The following PNLIPRP3 variants were observed in gnomAD, a reference collection of about 807,000 sequenced individuals.
PNLIPRP3 encodes the protein pancreatic lipase related protein 3.
PNLIPRP3 carries 58 observed loss-of-function variants against 52.8 expected under a neutral mutation model. That is an observed-to-expected ratio of 1.10 (90% CI 0.89 to 1.37). The LOEUF (loss-of-function observed/expected upper bound fraction) is 1.37, where lower values mean the gene tolerates loss of function less well. Among genes scored for constraint, PNLIPRP3 ranks in the 40% most tolerant of loss-of-function variants. The probability of loss-of-function intolerance (pLI) is 0.00; values close to 1 mark genes in which losing one functional copy is unlikely to be tolerated. For synonymous variants in PNLIPRP3, 192 were observed against 185.0 expected (o/e 1.04, Z -0.31); for missense variants, 593 against 561.6 (o/e 1.06, Z -0.57).
intron 10 of PNLIPRP3, among the ~76,000 whole-genome samples, chr10:116,475,171 A>G (rs780227019): frequency 1.6e-4 from 24 of 152,220 alleles, no homozygotes; most frequent in Non-Finnish European, 2.6e-4. Context: ...TCCTTAGCAA[A>G]CTAATGCAGG....
chr10:116,434,907 A>T (rs1292878609), intron 1 of PNLIPRP3, among the ~76,000 whole-genome samples: 2 of 152,220 alleles, frequency 1.3e-5, no homozygotes, highest in African/African-American at 4.8e-5. Flanking sequence ...TCATTCTTCC[A>T]GGAAGAGAAA....
chr10:116,471,813 C>T lies in PNLIPRP3; in HGVS notation c.1106C>T (p.Thr369Ile), dbSNP rs866988178. Residue 369 changes from threonine (T) to isoleucine (I), a missense_variant, in exon 10 of 12, where the codon ACT becomes ATT. Thr to Ile is a moderately conservative substitution (Grantham distance 89). Transcript: ENST00000369230. ...LSVKLSGSEV[T>I]QGTVFLRVGG... The stretch of plus-strand genomic sequence containing the variant: ...GTTAAACTCAGTGGAAGCGAAGTCA[C>T]TCAAGGAACTGTCTTTCTTCGTGTA... The T allele has an allele frequency of 1.2e-6, 2 of 1,611,710 alleles. No homozygotes were observed. Among genetic ancestry groups the T allele is most frequent in the African/African-American group, 1.3e-5 (1 of 74,712 alleles).
chr10:116,439,418 T>C (rs1349396604), intron 2 of PNLIPRP3: 3 of 586,274 alleles, frequency 5.1e-6, no homozygotes, highest in East Asian at 3.1e-5. Context: ...AGAGCTCCCC[T>C]ACTCTAAGTA....
chr10:116,438,273 C>T (rs1274438413), intron 2 of PNLIPRP3, among the ~76,000 whole-genome samples: 1 of 152,074 alleles, frequency 6.6e-6, no homozygotes, highest in Non-Finnish European at 1.5e-5. Context: ...GAAACGAGGG[C>T]AGGACTAGGA....
At position 116,477,099 on chromosome 10, in the gene PNLIPRP3, C is replaced by T. The variant is rs752052277; in HGVS notation, c.1350C>T (p.Phe450=). 5.0e-6 allele frequency: 8 copies of T among 1,592,446 alleles called. No homozygotes were observed. The East Asian group carries it at 1.8e-4, about 36-fold the overall frequency. Reference sequence around the variant, plus strand: ...CCTTAAAAACTTTCAGATCTACCTTCTGTAGCCAAGACATTATGGGACCTA... The same window carrying T: ...CCTTAAAAACTTTCAGATCTACCTTTTGTAGCCAAGACATTATGGGACCTA... ...TSGKYGYKST[F]CSQDIMGPNI... is the part of the protein sequence containing the mutation. The change falls in exon 12 of 12, where the codon TTC becomes TTT. Residue 450 remains phenylalanine (F), a synonymous_variant. Coordinates refer to ENST00000369230, the MANE Select transcript of PNLIPRP3 (RefSeq NM_001011709.3).
chr10:116,432,133 A>C (rs1845716771), intron 1 of PNLIPRP3, among the ~76,000 whole-genome samples: 1 of 152,204 alleles, frequency 6.6e-6, no homozygotes, highest in South Asian at 2.1e-4. Context: ...GAGGGCTAGA[A>C]TTGTTTTCTC....
Position 116,455,797 on chromosome 10 carries a change from GGGTCAAGGATACCA to G in PNLIPRP3, c.535_548del (p.Ser179ProfsTer32), listed in dbSNP as rs758005224. The G allele has an allele frequency of 6.8e-6, 11 of 1,613,564 alleles. No individual in the cohort carries two copies. The Admixed American group carries it at 1.7e-4, about 24-fold the overall frequency. ...GGGAGCACACCTGGCTGGGGAAGCT[GGGTCAAGGATACCA>G]GGCCTTGGAAGAATAACTGGTAAGC... On this transcript the variant is annotated frameshift_variant, in exon 5 of 12. Coordinates refer to ENST00000369230, the MANE Select transcript of PNLIPRP3 (RefSeq NM_001011709.3). LOFTEE classifies it high-confidence loss of function.
At chr10:116,473,131 C>T (rs1454397540) in intron 10 of PNLIPRP3, among the ~76,000 whole-genome samples, 1 of 152,222 alleles carries the variant, frequency 6.6e-6, no homozygotes, top group Non-Finnish European at 1.5e-5. Flanking sequence ...TTGATAACGG[C>T]CGAAGAAGCT....
At chr10:116,437,170 G>A (rs1845786441) in intron 2 of PNLIPRP3, among the ~76,000 whole-genome samples, 1 of 152,126 alleles carries the variant, frequency 6.6e-6, no homozygotes, top group South Asian at 2.1e-4. Flanking sequence ...AAGCAACAAT[G>A]CCTATTGTCT....
At chr10:116,465,082 A>G (rs1307014073) in intron 7 of PNLIPRP3, among the ~76,000 whole-genome samples, 6 of 152,216 alleles carry the variant, frequency 3.9e-5, no homozygotes, top group Non-Finnish European at 7.3e-5. Context: ...CTCTTGGATG[A>G]GAGGGGAACC....
chr10:116,466,606 T>C (rs1846285391), intron 8 of PNLIPRP3, among the ~76,000 whole-genome samples: 1 of 152,212 alleles, frequency 6.6e-6, no homozygotes, highest in South Asian at 2.1e-4. Flanking sequence ...AAAATTTAAT[T>C]ATTTATACAG....
chr10:116,431,693 G>A (rs1270864258), intron 1 of PNLIPRP3, among the ~76,000 whole-genome samples: 1 of 152,074 alleles, frequency 6.6e-6, no homozygotes, highest in Non-Finnish European at 1.5e-5. Flanking sequence ...AAATGAACAA[G>A]CCCAAAAGCA....
intron 2 of PNLIPRP3, chr10:116,440,189 T>C (rs530251140): frequency 3.6e-6 from 2 of 559,280 alleles, no homozygotes; most frequent in African/African-American, 3.8e-5. Context: ...TATTCCCTGA[T>C]CTTCACTCTT....
At chr10:116,430,614 A>T (rs984519368) in intron 1 of PNLIPRP3, among the ~76,000 whole-genome samples, 1 of 152,308 alleles carries the variant, frequency 6.6e-6, no homozygotes, top group East Asian at 1.9e-4. Flanking sequence ...TTTACACTGG[A>T]TAAGAAGGGA....
At chr10:116,434,203 C>T (rs1051875171) in intron 1 of PNLIPRP3, among the ~76,000 whole-genome samples, 10 of 151,952 alleles carry the variant, frequency 6.6e-5, no homozygotes, top group African/African-American at 2.4e-4. Context: ...AAAGGTAATT[C>T]ATATTTATTA....
chr10:116,442,467 C>T (rs1845872512), intron 2 of PNLIPRP3, among the ~76,000 whole-genome samples: 2 of 152,152 alleles, frequency 1.3e-5, no homozygotes, highest in Admixed American at 6.5e-5. Flanking sequence ...ATAAGATTTA[C>T]TGAAACTATG....
chr10:116,427,998 A>G lies in PNLIPRP3; in HGVS notation c.-15A>G, dbSNP rs747448226. Reference sequence around the variant, plus strand: ...CTTCAAGAAGATTTTTATGTGATTTAAAAAATCAGCTTAGATGCTTGGAAT... The same window carrying G: ...CTTCAAGAAGATTTTTATGTGATTTGAAAAATCAGCTTAGATGCTTGGAAT... On this transcript the variant is annotated 5_prime_UTR_variant, in exon 1 of 12. Transcript: ENST00000369230. 6.2e-7 allele frequency: 1 copy of G among 1,601,486 alleles called. No individual in the cohort carries two copies. Among genetic ancestry groups the G allele is most frequent in the Non-Finnish European group, 8.5e-7 (1 of 1,170,064 alleles).
chr10:116,468,152 A>AAAG (rs1846310235), intron 8 of PNLIPRP3, among the ~76,000 whole-genome samples: 1 of 131,370 alleles, frequency 7.6e-6, no homozygotes, highest in Non-Finnish European at 1.7e-5. Context: ...AAAAAAAAAA[A>AAAG]GCAACGTCTA....
At chr10:116,442,689 C>A (rs1191784076) in intron 2 of PNLIPRP3, among the ~76,000 whole-genome samples, 1 of 151,982 alleles carries the variant, frequency 6.6e-6, no homozygotes, top group African/African-American at 2.4e-5. Flanking sequence ...CATAGTGAGA[C>A]CCTGTCTCTA....
Sources: allele counts gnomAD v4.1 joint callset (sites outside exome capture counted in the v4.1 genomes callset), GRCh38; gene constraint gnomAD v4.1.1; transcripts MANE v1.5; gene names NCBI Gene and HGNC (gene_info 2026-07-23, HGNC 2026-07-21).